The following FOCAD variants were observed in gnomAD, a reference collection of about 807,000 sequenced individuals.
The protein encoded by FOCAD is focadhesin, also known as KIAA1797.
A neutral mutation model predicts 225.6 loss-of-function variants in FOCAD; 198 were observed. The observed-to-expected ratio is 0.88, with a 90% CI of 0.78 to 0.99. FOCAD has a LOEUF of 0.99. Among genes scored for constraint, FOCAD ranks in the 50% least tolerant of loss-of-function variants. FOCAD has a pLI of 0.00. For synonymous variants in FOCAD, 897 were observed against 755.0 expected, an observed-to-expected ratio of 1.19 and a Z score of -3.08; for missense variants, 2,713 against 2,123.6, an observed-to-expected ratio of 1.28 and a Z score of -5.46.
At chr9:20,675,744 C>T (rs145380353) in intron 2 of FOCAD, among the ~76,000 whole-genome samples, 50 of 152,246 alleles carry the variant, frequency 3.3e-4, no homozygotes, top group African/African-American at 1.1e-3. Flanking sequence ...TTGTTTCAGA[C>T]GATTAACCTT....
chr9:20,786,942 G>T (rs903494346), intron 10 of FOCAD: 2 of 447,640 alleles, frequency 4.5e-6, no homozygotes, highest in African/African-American at 4.1e-5. Flanking sequence ...ATTTTCACAG[G>T]TCCTCCCTCA....
intron 12 of FOCAD, 127 bp downstream of exon 12, chr9:20,820,027 G>T: frequency 1.8e-6 from 1 of 551,494 alleles, no homozygotes; most frequent in East Asian, 3.3e-5. Context: ...TGTTGAGCTA[G>T]GAGGTAATAT....
intron 11 of FOCAD, among the ~76,000 whole-genome samples, chr9:20,794,055 T>C (rs1011575594): frequency 1.1e-4 from 17 of 152,154 alleles, no homozygotes; most frequent in African/African-American, 3.4e-4. Context: ...TGAGGAAACA[T>C]TTATTTATGT....
At chr9:20,820,191 A>C in intron 12 of FOCAD, 133 bp from the exon 13 acceptor site, 1 of 624,848 alleles carries the variant, frequency 1.6e-6, no homozygotes, top group Non-Finnish European at 2.7e-6. Flanking sequence ...ATCCTCTAAG[A>C]AGGTGGGTAA....
At position 20,838,065 on chromosome 9, in the gene FOCAD, C is replaced by T. The variant is rs553675540; in HGVS notation, c.1920+14950C>T. Reference sequence around the variant, plus strand: ...AAGCCTCACTAGCATGCATATAAGCCCAGAAATTGTATTTAAACAATGCAA... The same window carrying T: ...AAGCCTCACTAGCATGCATATAAGCTCAGAAATTGTATTTAAACAATGCAA... On this transcript the variant is annotated intron_variant, in intron 15 of 43. Transcript: ENST00000338382. Among the ~76,000 whole-genome samples, 14 of 152,070 alleles carry T rather than the reference C, an allele frequency of 9.2e-5. No homozygotes were observed. The South Asian group carries it at 2.7e-3, about 29-fold the overall frequency.
intron 11 of FOCAD, among the ~76,000 whole-genome samples, chr9:20,804,635 A>G (rs551742066): frequency 6.6e-6 from 1 of 152,190 alleles, no homozygotes; most frequent in Non-Finnish European, 1.5e-5. Context: ...CTGTGTGTGA[A>G]ACCAACCATG....
intron 28 of FOCAD, 77 bp from the exon 29 acceptor site, chr9:20,944,550 T>G: frequency 6.6e-7 from 1 of 1,521,134 alleles, no homozygotes; most frequent in Admixed American, 1.8e-5. Flanking sequence ...GAGAGCTCTG[T>G]AAACACCCGT....
chr9:20,867,024 T>C lies in FOCAD; in HGVS notation c.2190+12T>C. 1 of 1,534,328 alleles carries C rather than the reference T, an allele frequency of 6.5e-7. No individual in the cohort carries two copies. The highest frequency in any genetic ancestry group is 8.9e-7 in the Non-Finnish European group (1 of 1,122,820). On this transcript the variant is annotated intron_variant, in intron 18 of 43. Coordinates refer to ENST00000338382, the MANE Select transcript of FOCAD (RefSeq NM_001375567.1). ...ATCTGCCTGAAAAGGTAGGCATATC[T>C]GCTTTCTCACTGGTATTTCTTAATT...
chr9:20,981,407 C>T lies in FOCAD; in HGVS notation c.4378-19C>T, dbSNP rs762065460. 2 of 1,611,640 alleles carry T rather than the reference C, an allele frequency of 1.2e-6. No homozygotes were observed. The highest frequency in any genetic ancestry group is 2.2e-5 in the South Asian group (2 of 90,928). On this transcript the variant is annotated intron_variant, in intron 37 of 43. Coordinates refer to ENST00000338382, the MANE Select transcript of FOCAD (RefSeq NM_001375567.1). Reference sequence around the variant, plus strand: ...CAGACTTGCCTATTTACATTCAACCCCTTCTGTTTTACTTCCAGCTGAATA... The same window carrying T: ...CAGACTTGCCTATTTACATTCAACCTCTTCTGTTTTACTTCCAGCTGAATA...
rs180787330 is a variant in FOCAD, at chr9:20,856,548, G to A, written c.1921-6030G>A. Reference sequence around the variant, plus strand: ...CTCTTATTCTGTGGGTTGTCTCCTCGCTTTGTTGATTGTTTCCTTTGCTGT... The same window carrying A: ...CTCTTATTCTGTGGGTTGTCTCCTCACTTTGTTGATTGTTTCCTTTGCTGT... On this transcript the variant is annotated intron_variant, in intron 15 of 43. Transcript: ENST00000338382. Among the ~76,000 whole-genome samples, 190 of 151,756 alleles carry A rather than the reference G, an allele frequency of 1.3e-3. 1 individual carries two copies. The highest frequency in any genetic ancestry group is 5.2e-4 in the Non-Finnish European group (35 of 67,762).
At chr9:20,835,354 G>A (rs1825895121) in intron 15 of FOCAD, among the ~76,000 whole-genome samples, 1 of 152,036 alleles carries the variant, frequency 6.6e-6, no homozygotes, top group Admixed American at 6.6e-5. Flanking sequence ...TTGTAACATG[G>A]AGATTTGGAG....
intron 1 of FOCAD, among the ~76,000 whole-genome samples, chr9:20,695,638 G>C (rs1233743699): frequency 6.6e-6 from 1 of 152,194 alleles, no homozygotes; most frequent in African/African-American, 2.4e-5. Context: ...GCGAGGTAGG[G>C]AAGTAAGGAT....
chr9:20,958,010 T>G (rs1458817599), intron 35 of FOCAD, among the ~76,000 whole-genome samples: 1 of 152,078 alleles, frequency 6.6e-6, no homozygotes, highest in Non-Finnish European at 1.5e-5. Context: ...AACATAGAGG[T>G]TAAAAGCATA....
chr9:20,931,248 C>T (rs1364735725), intron 27 of FOCAD, among the ~76,000 whole-genome samples: 2 of 152,152 alleles, frequency 1.3e-5, no homozygotes, highest in Non-Finnish European at 2.9e-5. Flanking sequence ...TGAAGGAAAC[C>T]CTGGGCAAAG....
intron 28 of FOCAD, among the ~76,000 whole-genome samples, chr9:20,942,799 C>T (rs894089279): frequency 6.6e-6 from 1 of 152,148 alleles, no homozygotes; most frequent in Admixed American, 6.5e-5. Flanking sequence ...TAATAATCAA[C>T]CAATACCCCA....
intron 8 of FOCAD, among the ~76,000 whole-genome samples, chr9:20,775,251 G>C (rs946380713): frequency 1.3e-5 from 2 of 152,088 alleles, no homozygotes; most frequent in African/African-American, 4.8e-5. Flanking sequence ...ATAACTTAAG[G>C]TCCTTTCCAT....
In FOCAD at chr9:20,881,897, G is replaced by A. The variant is rs781047724; in HGVS notation, c.2344G>A (p.Val782Met). 7 of 1,613,092 alleles carry A rather than the reference G, an allele frequency of 4.3e-6. No individual in the cohort carries two copies. In the African/African-American group the frequency reaches 8.0e-5, roughly 18 times the overall value. Residue 782 changes from valine (V) to methionine (M), a missense_variant, in exon 20 of 44, where the codon GTG becomes ATG. Val to Met is a conservative substitution (Grantham distance 21). Coordinates refer to ENST00000338382, the MANE Select transcript of FOCAD (RefSeq NM_001375567.1). ...TTTGGAGGAATTTTTTACATCACTT[G>A]TGAAGCAAGAAATGGTGAATATGCC... is the stretch of plus-strand genomic sequence containing the variant. ...PALEEFFTSL[V>M]KQEMVNMPRG...
intron 2 of FOCAD, among the ~76,000 whole-genome samples, chr9:20,669,743 C>G (rs1411257164): frequency 6.6e-6 from 1 of 152,042 alleles, no homozygotes; most frequent in Non-Finnish European, 1.5e-5. Context: ...CCACTGCACT[C>G]CAGCCTGGGT....
intron 4 of FOCAD, among the ~76,000 whole-genome samples, chr9:20,733,391 A>C (rs915926424): frequency 2.0e-5 from 3 of 152,060 alleles, no homozygotes; most frequent in African/African-American, 7.2e-5. Flanking sequence ...GTTTTAGGGT[A>C]CATGTGCACA....
Sources: gnomAD v4.1 joint callset for allele counts (sites outside exome capture counted in the v4.1 genomes callset) on GRCh38, gnomAD v4.1.1 for gene constraint, MANE v1.5 for transcripts, NCBI Gene and HGNC (gene_info 2026-07-23, HGNC 2026-07-21) for gene names.